The following SMOX variants were observed in gnomAD, a reference collection of about 807,000 sequenced individuals.
The protein encoded by SMOX is flavin containing amine oxidase.
Under a neutral mutation model 51.0 loss-of-function variants are expected in SMOX, and 22 were observed. The observed-to-expected ratio is 0.43, with a 90% CI of 0.31 to 0.62. The LOEUF is 0.62. Among genes scored for constraint, SMOX ranks in the 20% least tolerant of loss-of-function variants. The pLI, the probability that SMOX is intolerant of heterozygous loss-of-function variation, is 0.10. For synonymous variants in SMOX, 282 were observed against 307.8 expected (o/e 0.92, Z 0.88); for missense variants, 566 against 777.7 (o/e 0.73, Z 3.24).
rs1986543891 is a variant in SMOX at position 4,165,721 on chromosome 20, A to T, written c.-26-9309A>T. 4.6e-5 allele frequency among the ~76,000 whole-genome samples: 7 copies of T among 152,068 alleles called. No individual in the cohort carries two copies. In the South Asian group the frequency reaches 1.4e-3, roughly 31 times the overall value. ...GGGTAGGGGTGATTTTCCCCATTTG[A>T]CAAATGGGGAAAATGAGGTTCAAGT... is the stretch of plus-strand genomic sequence containing the variant. On this transcript the variant is annotated intron_variant, in intron 1 of 6. Transcript: ENST00000305958.
In SMOX at chr20:4,181,549, C is replaced by G. The variant is rs950665967; in HGVS notation, c.436-254C>G. Among the ~76,000 whole-genome samples the G allele has an allele frequency of 1.3e-5, 2 of 152,198 alleles. No homozygotes were observed. The highest frequency in any genetic ancestry group is 4.8e-5 in the African/African-American group (2 of 41,456). On this transcript the variant is annotated intron_variant, in intron 3 of 6. Coordinates refer to ENST00000305958, the MANE Select transcript of SMOX (RefSeq NM_175839.3). This position sits in a 1 kb window ranked among gnomAD's most constrained non-coding sequence, Gnocchi z 5.6. Reference sequence around the variant, plus strand: ...TGGGCACCAAATGTTTCACATTGTCCTAAGTGAGGGCCCAGCAAGAAAACC... The same window carrying G: ...TGGGCACCAAATGTTTCACATTGTCGTAAGTGAGGGCCCAGCAAGAAAACC...
chr20:4,178,824 C>T (rs892182055), intron 3 of SMOX, among the ~76,000 whole-genome samples: 1 of 152,088 alleles, frequency 6.6e-6, no homozygotes, highest in Non-Finnish European at 1.5e-5. Flanking sequence ...GCTGGGATTA[C>T]AGGCATGTAC....
rs1265507168 is a variant in SMOX, at chr20:4,187,683, T to A, written c.*276T>A. The stretch of plus-strand genomic sequence containing the variant: ...TTGTTATTGTAAGTGCCTTCAATAC[T>A]TTGCATTTTGGGATAATAAAAAAGG... On this transcript the variant is annotated 3_prime_UTR_variant, in exon 7 of 7. Coordinates refer to ENST00000305958, the MANE Select transcript of SMOX (RefSeq NM_175839.3). This position sits in a 1 kb window ranked among gnomAD's most constrained non-coding sequence, Gnocchi z 4.8. The A allele has an allele frequency of 2.8e-6, 1 of 362,128 alleles. No individual in the cohort carries two copies. The highest frequency in any genetic ancestry group is 5.0e-6 in the Non-Finnish European group (1 of 200,800). 22.4% of individuals were successfully genotyped at this position (362,128 alleles called of 1,614,324 possible). A position where few individuals can be genotyped will look rare whatever the true frequency, so the allele number is the denominator to read the frequency against.
intron 1 of SMOX, among the ~76,000 whole-genome samples, chr20:4,161,944 G>GC (rs1986345990): frequency 6.6e-6 from 1 of 152,314 alleles, no homozygotes; most frequent in East Asian, 1.9e-4. Context: ...CCGGGAACGT[G>GC]CCCCCCGCCT....
intron 1 of SMOX, among the ~76,000 whole-genome samples, chr20:4,158,014 C>T (rs1020743799): frequency 1.3e-5 from 2 of 151,728 alleles, no homozygotes; most frequent in African/African-American, 4.8e-5. Flanking sequence ...CATTCTCCTG[C>T]CTCAGCCTCC....
At position 4,156,717 on chromosome 20, in the gene SMOX, C is replaced by T. The variant is rs550321767; in HGVS notation, c.-27+7740C>T. Among the ~76,000 whole-genome samples, 7 of 152,288 alleles carry T rather than the reference C, an allele frequency of 4.6e-5. No homozygotes were observed. The South Asian group carries it at 1.5e-3, about 32-fold the overall frequency. Reference sequence around the variant, plus strand: ...GGACCTGTCTGGTGCCTGGGATCCCCAGGTAGCTGGGCCTGGGTCTTCTGG... The same window carrying T: ...GGACCTGTCTGGTGCCTGGGATCCCTAGGTAGCTGGGCCTGGGTCTTCTGG... On this transcript the variant is annotated intron_variant, in intron 1 of 6. Transcript: ENST00000305958.
chr20:4,181,095 G>A lies in SMOX; in HGVS notation c.436-708G>A, dbSNP rs1278409454. Among the ~76,000 whole-genome samples the A allele has an allele frequency of 3.3e-5, 5 of 152,168 alleles. No homozygotes were observed. The highest frequency in any genetic ancestry group is 1.2e-4 in the African/African-American group (5 of 41,432). ...CAGACCCCTTTTCAAGTGACTGATC[G>A]TCGTTATCTGTTGATGAGGTGTGGG... On this transcript the variant is annotated intron_variant, in intron 3 of 6. Transcript: ENST00000305958. The surrounding 1 kb of genome is among the most constrained non-coding windows in gnomAD (Gnocchi z 5.6).
chr20:4,163,932 G>A (rs553047800), intron 1 of SMOX, among the ~76,000 whole-genome samples: 1 of 152,198 alleles, frequency 6.6e-6, no homozygotes, highest in Admixed American at 6.5e-5. Context: ...TAGCTGCAAT[G>A]GTCAGCTTGG....
At chr20:4,162,539 CT>C (rs1338868079) in intron 1 of SMOX, among the ~76,000 whole-genome samples, 1 of 152,202 alleles carries the variant, frequency 6.6e-6, no homozygotes, top group Non-Finnish European at 1.5e-5. Flanking sequence ...CTCTTGAATT[CT>C]TCATGATCCT....
At chr20:4,156,071 C>A (rs1238384027) in intron 1 of SMOX, among the ~76,000 whole-genome samples, 1 of 152,170 alleles carries the variant, frequency 6.6e-6, no homozygotes, top group East Asian at 1.9e-4. Context: ...CTCAAGCGTT[C>A]AGGGGACAAA....
chr20:4,159,605 G>A (rs1986214847), intron 1 of SMOX, among the ~76,000 whole-genome samples: 1 of 152,184 alleles, frequency 6.6e-6, no homozygotes. Context: ...TATCTCAGGT[G>A]TATTCAGCTA....
chr20:4,186,604 G>A, intron 6 of SMOX: 3 of 652,532 alleles, frequency 4.6e-6, no homozygotes, highest in Non-Finnish European at 5.5e-6. Flanking sequence ...CAGTTCAAAG[G>A]TCCTGTCCTC....
intron 1 of SMOX, among the ~76,000 whole-genome samples, chr20:4,155,409 T>C (rs1985969379): frequency 7.2e-6 from 1 of 138,026 alleles, no homozygotes; most frequent in South Asian, 2.2e-4. Flanking sequence ...GCGGCGTACG[T>C]GGGAGTGGGG....
In SMOX at chr20:4,172,368, G is replaced by A. The variant is rs866664627; in HGVS notation, c.-26-2662G>A. ...CGGCTGGCAGACATCCGGCGGCATC[G>A]CCGCTGACCCTCCCCGCCCGCCCCG... is the stretch of plus-strand genomic sequence containing the variant. On this transcript the variant is annotated intron_variant, in intron 1 of 6. Coordinates refer to ENST00000305958, the MANE Select transcript of SMOX (RefSeq NM_175839.3). The surrounding 1 kb of genome is among the most constrained non-coding windows in gnomAD (Gnocchi z 7.7). 6.6e-6 allele frequency among the ~76,000 whole-genome samples: 1 copy of A among 152,192 alleles called. No homozygotes were observed. Among genetic ancestry groups the A allele is most frequent in the Non-Finnish European group, 1.5e-5 (1 of 68,026 alleles).
intron 1 of SMOX, among the ~76,000 whole-genome samples, chr20:4,162,099 C>T (rs1986357865): frequency 1.3e-5 from 2 of 152,216 alleles, no homozygotes; most frequent in African/African-American, 4.8e-5. Flanking sequence ...TGCCTCCTGC[C>T]CTTCCCCAGG....
intron 6 of SMOX, among the ~76,000 whole-genome samples, chr20:4,185,284 C>G (rs1178032742): frequency 1.3e-5 from 2 of 151,888 alleles, no homozygotes; most frequent in African/African-American, 2.4e-5. Context: ...AAGGCTGACA[C>G]AGTATACAAC....
At position 4,166,201 on chromosome 20, in the gene SMOX, A is replaced by G. The variant is rs1986563230; in HGVS notation, c.-26-8829A>G. ...AATTTTTGCTGAAGGTGGGACCTATAGGGTGAGGCTTGGGATGAAGCTGCA... is the reference window on the plus strand; with the variant it reads ...AATTTTTGCTGAAGGTGGGACCTATGGGGTGAGGCTTGGGATGAAGCTGCA... On this transcript the variant is annotated intron_variant, in intron 1 of 6. Coordinates refer to ENST00000305958, the MANE Select transcript of SMOX (RefSeq NM_175839.3). This position sits in a 1 kb window ranked among gnomAD's most constrained non-coding sequence, Gnocchi z 4.2. Among the ~76,000 whole-genome samples the G allele has an allele frequency of 6.6e-6, 1 of 151,730 alleles. No individual in the cohort carries two copies. Among genetic ancestry groups the G allele is most frequent in the Non-Finnish European group, 1.5e-5 (1 of 67,892 alleles).
Position 4,172,509 on chromosome 20 carries a change from C to T in SMOX, c.-26-2521C>T, listed in dbSNP as rs918602649. Among the ~76,000 whole-genome samples, 23 of 152,118 alleles carry T rather than the reference C, an allele frequency of 1.5e-4. No individual in the cohort carries two copies. Among genetic ancestry groups the T allele is most frequent in the Admixed American group, 9.8e-4 (15 of 15,298 alleles). ...GTGTCCTCTCGGGAGGGAGGCAGGA[C>T]CTAGCATCTCTGGGGCGAGGGAGGA... On this transcript the variant is annotated intron_variant, in intron 1 of 6. Coordinates refer to ENST00000305958, the MANE Select transcript of SMOX (RefSeq NM_175839.3). This position sits in a 1 kb window ranked among gnomAD's most constrained non-coding sequence, Gnocchi z 7.7.
intron 1 of SMOX, among the ~76,000 whole-genome samples, chr20:4,168,853 G>C (rs1986693074): frequency 6.6e-6 from 1 of 151,014 alleles, no homozygotes; most frequent in South Asian, 2.1e-4. Flanking sequence ...CACCATGCCT[G>C]GCTCTCTCTC....
Sources: allele counts gnomAD v4.1 joint callset (sites outside exome capture counted in the v4.1 genomes callset), GRCh38; gene constraint gnomAD v4.1.1; non-coding constraint Gnocchi (gnomAD v3.1); transcripts MANE v1.5; gene names NCBI Gene and HGNC (gene_info 2026-07-23, HGNC 2026-07-21).